ZSCAN25: variants seen among roughly 807,000 people sequenced by gnomAD.
ZSCAN25 encodes zinc finger and SCAN domain containing 25.
A neutral mutation model predicts 38.7 loss-of-function variants in ZSCAN25; 27 were observed. The ratio of observed to expected loss-of-function variants is 0.70; its 90% CI spans 0.51 to 0.96. ZSCAN25 has a LOEUF of 0.96. Ranked by LOEUF, ZSCAN25 falls within the 40% of genes least tolerant of loss-of-function variation. The probability of loss-of-function intolerance (pLI) is 0.00; values close to 1 mark genes in which losing one functional copy is unlikely to be tolerated. For synonymous variants in ZSCAN25, 273 were observed against 277.7 expected (o/e 0.98, Z 0.17); for missense variants, 637 against 705.9 (o/e 0.90, Z 1.11).
At chr7:99,632,623 C>T (rs1808086552), downstream of ZSCAN25, among the ~76,000 whole-genome samples, 1 of 152,106 alleles carries the variant, frequency 6.6e-6, no homozygotes, top group Admixed American at 6.5e-5. Flanking sequence ...ATAGTGAGAC[C>T]TCATCTACAA....
At chr7:99,624,360 A>G (rs969544923) in intron 7 of ZSCAN25, 180 bp downstream of exon 7, 4 of 675,736 alleles carry the variant, frequency 5.9e-6, no homozygotes, top group African/African-American at 5.4e-5. Context: ...AGAGGAGCCA[A>G]ATGATGGAGC....
chr7:99,630,443 C>G lies in ZSCAN25; in HGVS notation c.*423C>G, dbSNP rs1038908596. On this transcript the variant is annotated 3_prime_UTR_variant, in exon 8 of 8. Coordinates refer to ENST00000394152, the MANE Select transcript of ZSCAN25 (RefSeq NM_145115.3). ...CCCACCCCCTCTCTTTTCCATTGAA[C>G]AAACATTTATTGAACATCCTCTGAG... 2 of 1,006,346 alleles carry G rather than the reference C, an allele frequency of 2.0e-6. No individual in the cohort carries two copies. The highest frequency in any genetic ancestry group is 1.7e-5 in the African/African-American group (1 of 57,694). The allele number at this position is 1,006,346 out of a possible 1,614,324, so 62.3% of individuals were successfully genotyped here.
At chr7:99,730,192 T>C in the ZSCAN25 span, among the ~76,000 whole-genome samples, 1 of 152,182 alleles carries the variant, frequency 6.6e-6, no homozygotes. Context: ...AAGTCCCCAG[T>C]CCATGAGGCA....
At chr7:99,635,153 G>GTT (rs79324427), downstream of ZSCAN25, among the ~76,000 whole-genome samples, 15 of 140,610 alleles carry the variant, frequency 1.1e-4, no homozygotes, top group East Asian at 4.1e-4. Flanking sequence ...GTCCTGGTTG[G>GTT]TTTTTTTTTT....
At chr7:99,702,612 G>A in the ZSCAN25 span, among the ~76,000 whole-genome samples, 1 of 152,120 alleles carries the variant, frequency 6.6e-6, no homozygotes, top group Non-Finnish European at 1.5e-5. Context: ...CAATGTGTCT[G>A]TTTTTATACA....
At chr7:99,651,050 T>C in the ZSCAN25 span, among the ~76,000 whole-genome samples, 1 of 152,208 alleles carries the variant, frequency 6.6e-6, no homozygotes, top group Non-Finnish European at 1.5e-5. Flanking sequence ...TCTTTATATT[T>C]TGGAGAGCAT....
At chr7:99,668,846 C>T in the ZSCAN25 span, among the ~76,000 whole-genome samples, 1 of 152,178 alleles carries the variant, frequency 6.6e-6, no homozygotes, top group African/African-American at 2.4e-5. Context: ...ATCTTCTAAT[C>T]ACGGACAGTT....
the ZSCAN25 span, chr7:99,676,395 C>G: frequency 2.6e-6 from 4 of 1,513,886 alleles, no homozygotes; most frequent in Middle Eastern, 1.8e-4. Flanking sequence ...TCTGAGACCC[C>G]TGAAAAGTCT....
At chr7:99,648,912 A>G in the ZSCAN25 span, among the ~76,000 whole-genome samples, 1 of 152,144 alleles carries the variant, frequency 6.6e-6, no homozygotes, top group Non-Finnish European at 1.5e-5. Flanking sequence ...ATGTCTTCAG[A>G]AAGAATTATT....
chr7:99,719,541 A>G, the ZSCAN25 span, among the ~76,000 whole-genome samples: 1 of 152,220 alleles, frequency 6.6e-6, no homozygotes, highest in Non-Finnish European at 1.5e-5. Flanking sequence ...AATTGGCAAT[A>G]TAGGAAGGAG....
chr7:99,690,863 A>G, the ZSCAN25 span, among the ~76,000 whole-genome samples: 6 of 152,326 alleles, frequency 3.9e-5, no homozygotes, highest in East Asian at 1.2e-3. Context: ...AACTAGTTCA[A>G]CCATTGTGGA....
chr7:99,733,363 C>T, the ZSCAN25 span, among the ~76,000 whole-genome samples: 1 of 152,168 alleles, frequency 6.6e-6, no homozygotes, highest in African/African-American at 2.4e-5. Flanking sequence ...CTGTGCTTGG[C>T]AAACTGTTTA....
the ZSCAN25 span, chr7:99,638,555 G>C: frequency 1.3e-6 from 2 of 1,541,776 alleles, no homozygotes; most frequent in Non-Finnish European, 9.0e-7. Flanking sequence ...GCGAGAGCGC[G>C]GATCTTGTCC....
the ZSCAN25 span, chr7:99,720,591 A>G: frequency 3.2e-6 from 2 of 629,352 alleles, no homozygotes; most frequent in Admixed American, 2.9e-5. Context: ...CACAGGAGCC[A>G]TCCAAGTCTT....
Position 99,622,601 on chromosome 7 carries a change from C to G in ZSCAN25, c.642C>G (p.Asp214Glu), listed in dbSNP as rs781697435. ...GPGLPAVNPR[D>E]QEMAAGFFTA... is the part of the protein sequence containing the mutation. ...GCCTCCCCGCAGTGAATCCCAGAGA[C>G]CAAGAGATGGCAGCTGGGTTCTTTA... The change falls in exon 6 of 8, where the codon GAC (aspartate) becomes GAG (glutamate). Residue 214 changes from aspartate (D) to glutamate (E), a missense_variant. Coordinates refer to ENST00000394152, the MANE Select transcript of ZSCAN25 (RefSeq NM_145115.3). 4 of 1,614,162 alleles carry G rather than the reference C, an allele frequency of 2.5e-6. No individual in the cohort carries two copies. Among genetic ancestry groups the G allele is most frequent in the Non-Finnish European group, 1.7e-6 (2 of 1,180,028 alleles).
At chr7:99,676,272 G>A in the ZSCAN25 span, 3 of 1,607,056 alleles carry the variant, frequency 1.9e-6, no homozygotes, top group Non-Finnish European at 2.6e-6. Context: ...GGGCTGGTGA[G>A]TTACTCAGGA....
At chr7:99,728,478 A>T in the ZSCAN25 span, among the ~76,000 whole-genome samples, 1 of 152,154 alleles carries the variant, frequency 6.6e-6, no homozygotes. Flanking sequence ...TGATGCCCTC[A>T]CTAAATCCCT....
At position 99,630,363 on chromosome 7, in the gene ZSCAN25, C is replaced by A; in HGVS notation, c.*343C>A. 1 of 1,076,278 alleles carries A rather than the reference C, an allele frequency of 9.3e-7. No individual in the cohort carries two copies. The highest frequency in any genetic ancestry group is 1.1e-6 in the Non-Finnish European group (1 of 887,388). The allele number at this position is 1,076,278 out of a possible 1,614,324, so 66.7% of individuals were successfully genotyped here. A position where few individuals can be genotyped will look rare whatever the true frequency, so the allele number is the denominator to read the frequency against. ...CCTTGACACGTGTTGGTAGCTGGGA[C>A]CTCATCTTCCTGAGGGCTCTGTCTT... On this transcript the variant is annotated 3_prime_UTR_variant, in exon 8 of 8. Coordinates refer to ENST00000394152, the MANE Select transcript of ZSCAN25 (RefSeq NM_145115.3).
At chr7:99,676,383 A>C in the ZSCAN25 span, 3 of 1,522,034 alleles carry the variant, frequency 2.0e-6, no homozygotes, top group Non-Finnish European at 2.7e-6. Flanking sequence ...TTTCCTGACT[A>C]TTCTGAGACC....
Sources: allele counts gnomAD v4.1 joint callset (sites outside exome capture counted in the v4.1 genomes callset), GRCh38; gene constraint gnomAD v4.1.1; transcripts MANE v1.5; gene names NCBI Gene and HGNC (gene_info 2026-07-23, HGNC 2026-07-21).